GPC6: variants seen among roughly 807,000 people sequenced by gnomAD.
The protein encoded by GPC6 is glypican-6.
A neutral mutation model predicts 55.2 loss-of-function variants in GPC6; 14 were observed. The ratio of observed to expected loss-of-function variants is 0.25; its 90% CI spans 0.17 to 0.40. GPC6 has a LOEUF of 0.40. GPC6 is among the 10% of genes least tolerant of loss of function. The pLI is 1.00. For missense variants in GPC6, 641 were observed against 708.5 expected, an observed-to-expected ratio of 0.90 and a Z score of 1.08; for synonymous variants, 278 against 259.6, an observed-to-expected ratio of 1.07 and a Z score of -0.68.
chr13:94,206,408 T>G (rs1889903296), intron 4 of GPC6, among the ~76,000 whole-genome samples: 1 of 152,142 alleles, frequency 6.6e-6, no homozygotes. Context: ...TCAGCAGCCG[T>G]CTTCAGTAGT....
At chr13:94,177,570 C>G (rs1423023048) in intron 4 of GPC6, among the ~76,000 whole-genome samples, 2 of 151,990 alleles carry the variant, frequency 1.3e-5, no homozygotes, top group African/African-American at 4.8e-5. Context: ...TCAATTGTCA[C>G]CAATCAAATT....
chr13:94,040,693 G>A (rs1883499965), intron 4 of GPC6, among the ~76,000 whole-genome samples: 2 of 151,806 alleles, frequency 1.3e-5, no homozygotes, highest in African/African-American at 4.8e-5. Flanking sequence ...CAGATGAAAG[G>A]CTGAGCCTAT....
intron 4 of GPC6, among the ~76,000 whole-genome samples, chr13:94,045,839 G>A (rs913851514): frequency 2.4e-4 from 37 of 151,368 alleles, no homozygotes; most frequent in Admixed American, 2.0e-3. Flanking sequence ...AGCCCTGTAC[G>A]TTTCAGAAGA....
At chr13:94,083,406 C>T (rs926140817) in intron 4 of GPC6, among the ~76,000 whole-genome samples, 17 of 152,326 alleles carry the variant, frequency 1.1e-4, no homozygotes, top group African/African-American at 2.4e-4. Context: ...GCATGAGCCA[C>T]TGCACCCGGC....
upstream of GPC6, among the ~76,000 whole-genome samples, chr13:93,223,426 T>C (rs559820369): frequency 6.6e-6 from 1 of 152,274 alleles, no homozygotes; most frequent in South Asian, 2.1e-4. Flanking sequence ...ATCTTTTTTT[T>C]GTCTTGTTTT....
intron 2 of GPC6, among the ~76,000 whole-genome samples, chr13:93,614,229 T>A (rs896093911): frequency 3.3e-5 from 5 of 152,134 alleles, no homozygotes; most frequent in Non-Finnish European, 7.4e-5. Context: ...TCAAAAAAAA[T>A]TTTTAAACTA....
intron 5 of GPC6, among the ~76,000 whole-genome samples, chr13:94,295,387 C>T (rs532055017): frequency 6.6e-6 from 1 of 152,144 alleles, no homozygotes. Flanking sequence ...AGAGCACTGA[C>T]TCATTGGTCT....
intron 3 of GPC6, among the ~76,000 whole-genome samples, chr13:93,947,984 AC>A (rs1276535392): frequency 6.6e-6 from 1 of 152,042 alleles, no homozygotes; most frequent in Non-Finnish European, 1.5e-5. Context: ...TAATTTTACT[AC>A]CCTAATTATT....
intron 1 of GPC6, among the ~76,000 whole-genome samples, chr13:93,521,505 C>T (rs760230753): frequency 1.3e-4 from 19 of 151,934 alleles, no homozygotes; most frequent in Non-Finnish European, 2.2e-4. Flanking sequence ...TGCTTGTGAA[C>T]GCTGGTGCAG....
chr13:93,606,767 G>A (rs1878253403), intron 2 of GPC6, among the ~76,000 whole-genome samples: 1 of 152,038 alleles, frequency 6.6e-6, no homozygotes, highest in African/African-American at 2.4e-5. Flanking sequence ...CCAAATCTTA[G>A]TTTCTTTTGT....
intron 4 of GPC6, among the ~76,000 whole-genome samples, chr13:94,159,158 A>G (rs1188450343): frequency 2.6e-5 from 4 of 152,128 alleles, no homozygotes; most frequent in African/African-American, 9.7e-5. Context: ...TAGGGATTCC[A>G]CATCAACTAC....
At chr13:93,791,449 T>C (rs1238051529) in intron 2 of GPC6, among the ~76,000 whole-genome samples, 1 of 152,210 alleles carries the variant, frequency 6.6e-6, no homozygotes. Flanking sequence ...ATGTTTAAAG[T>C]GAAAGGCAGT....
At chr13:94,239,616 C>T (rs368616559) in intron 4 of GPC6, among the ~76,000 whole-genome samples, 9 of 152,056 alleles carry the variant, frequency 5.9e-5, no homozygotes, top group East Asian at 1.9e-4. Flanking sequence ...AAAGCACTCT[C>T]GGCATTAGAG....
intron 2 of GPC6, among the ~76,000 whole-genome samples, chr13:93,587,112 T>C (rs927567538): frequency 2.0e-5 from 3 of 152,174 alleles, no homozygotes; most frequent in African/African-American, 7.2e-5. Flanking sequence ...CTTTGACATA[T>C]GAGATGTGCA....
chr13:93,650,121 A>G (rs1366030824), intron 2 of GPC6, among the ~76,000 whole-genome samples: 1 of 152,174 alleles, frequency 6.6e-6, no homozygotes, highest in Admixed American at 6.5e-5. Context: ...TCTTGCTGCT[A>G]CAATTCAAAT....
chr13:93,369,744 C>T (rs1881384589), intron 1 of GPC6, among the ~76,000 whole-genome samples: 1 of 152,022 alleles, frequency 6.6e-6, no homozygotes, highest in Non-Finnish European at 1.5e-5. Context: ...GGAAAACTGT[C>T]AGTACTCTAT....
intron 3 of GPC6, among the ~76,000 whole-genome samples, chr13:93,884,185 G>A (rs978621029): frequency 6.6e-6 from 1 of 152,068 alleles, no homozygotes; most frequent in African/African-American, 2.4e-5. Context: ...ATCTCAACTG[G>A]ACCTTGACAC....
chr13:93,636,657 A>G, intron 2 of GPC6, among the ~76,000 whole-genome samples: 1 of 152,196 alleles, frequency 6.6e-6, no homozygotes, highest in South Asian at 2.1e-4. Context: ...GATATTTCAC[A>G]AATAAGATCA....
chr13:94,224,256 A>AATAT lies in GPC6; in HGVS notation c.878-62068_878-62065dup, dbSNP rs59631105. Among the ~76,000 whole-genome samples the AATAT allele has an allele frequency of 6.0e-3, 857 of 143,942 alleles. 7 individuals carry two copies. Among genetic ancestry groups the AATAT allele is most frequent in the Middle Eastern group, 0.015 (4 of 272 alleles). 94.4% of individuals were successfully genotyped at this position (143,942 alleles called of 152,430 possible). On this transcript the variant is annotated intron_variant, in intron 4 of 8. Coordinates refer to ENST00000377047, the MANE Select transcript of GPC6 (RefSeq NM_005708.5). Reference sequence around the variant, plus strand: ...TCTTTATTTTTGTATATCATCTTTAAATATATATATATATATATATATATA... The same window carrying AATAT: ...TCTTTATTTTTGTATATCATCTTTAAATATATATATATATATATATATATATATA...
Sources: allele counts gnomAD v4.1 joint callset (sites outside exome capture counted in the v4.1 genomes callset), GRCh38; gene constraint gnomAD v4.1.1; transcripts MANE v1.5; gene names NCBI Gene and HGNC (gene_info 2026-07-23, HGNC 2026-07-21).